ZNF142: variants seen among roughly 807,000 people sequenced by gnomAD.
ZNF142 encodes zinc finger protein 142.
Under a neutral mutation model 132.1 loss-of-function variants are expected in ZNF142, and 96 were observed. The ratio of observed to expected loss-of-function variants is 0.73; its 90% CI spans 0.62 to 0.86. The LOEUF is 0.86. ZNF142 is among the 40% of genes least tolerant of loss of function. The probability of loss-of-function intolerance (pLI) is 0.00; values close to 1 mark genes in which losing one functional copy is unlikely to be tolerated. For synonymous variants in ZNF142, 842 were observed against 890.1 expected, an observed-to-expected ratio of 0.95 and a Z score of 0.96; for missense variants, 2,163 against 2,336.2, an observed-to-expected ratio of 0.93 and a Z score of 1.53.
chr2:218,653,461 C>T (rs560542301), intron 4 of ZNF142, among the ~76,000 whole-genome samples: 50 of 152,034 alleles, frequency 3.3e-4, no homozygotes, highest in African/African-American at 1.2e-3. Context: ...CCTGTAATCC[C>T]AGTTACTCAG....
Position 218,638,359 on chromosome 2 carries a change from G to C in ZNF142, c.5644C>G (p.His1882Asp), listed in dbSNP as rs776199147. Residue 1882 changes from histidine (H) to aspartate (D), a missense_variant, in exon 11 of 11, where the codon CAC becomes GAC. Physicochemically the swap from His to Asp is moderately conservative, Grantham distance 81. Around this residue, in one of 7 missense-constraint regions of ZNF142, gnomAD observed 325 missense variants for 367.8 expected, o/e 0.88. Coordinates refer to ENST00000411696, the MANE Select transcript of ZNF142 (RefSeq NM_001379659.1). ...DPSPPAPAAP[H>D]TGPEG ...GGCTTTCAGCCCTCAGGTCCAGTGT[G>C]GGGAGCGGCAGGAGCAGGAGGGCTG... The C allele has an allele frequency of 6.6e-7, 1 of 1,522,872 alleles. No individual in the cohort carries two copies. Among genetic ancestry groups the C allele is most frequent in the Non-Finnish European group, 8.8e-7 (1 of 1,134,610 alleles). 94.3% of individuals were successfully genotyped at this position (1,522,872 alleles called of 1,614,324 possible).
chr2:218,651,272 G>A (rs1937964159), intron 5 of ZNF142, among the ~76,000 whole-genome samples: 1 of 152,186 alleles, frequency 6.6e-6, no homozygotes, highest in Admixed American at 6.5e-5. Flanking sequence ...ATGTGCCACA[G>A]TGCCCAGCCC....
At position 218,637,816 on chromosome 2, in the gene ZNF142, A is replaced by G. The variant is rs1696845868; in HGVS notation, c.*523T>C. ...AATACTGAGTGAAGATGGAAGGGACAAAAGGGAGGCAGAGGTCTGAGAGGG... is the reference window on the plus strand; with the variant it reads ...AATACTGAGTGAAGATGGAAGGGACGAAAGGGAGGCAGAGGTCTGAGAGGG... On this transcript the variant is annotated 3_prime_UTR_variant, in exon 11 of 11. Coordinates refer to ENST00000411696, the MANE Select transcript of ZNF142 (RefSeq NM_001379659.1). 1 of 152,476 alleles carries G rather than the reference A, an allele frequency of 6.6e-6. No homozygotes were observed. 9.4% of individuals were successfully genotyped at this position (152,476 alleles called of 1,614,324 possible). A position where few individuals can be genotyped will look rare whatever the true frequency, so the allele number is the denominator to read the frequency against.
chr2:218,638,262 C>T lies in ZNF142; in HGVS notation c.*77G>A, dbSNP rs1406405559. 3 of 1,356,186 alleles carry T rather than the reference C, an allele frequency of 2.2e-6. No individual in the cohort carries two copies. The highest frequency in any genetic ancestry group is 2.9e-6 in the Non-Finnish European group (3 of 1,039,026). The allele number at this position is 1,356,186 out of a possible 1,614,324, so 84.0% of individuals were successfully genotyped here. On this transcript the variant is annotated 3_prime_UTR_variant, in exon 11 of 11. Transcript: ENST00000411696. ...AGCCAGTCTTTCCTTAGGCTCTGAG[C>T]TCCTCAGGCTAGCGCTGGTCCCAGT... is the stretch of plus-strand genomic sequence containing the variant.
rs1185649880 is a variant in ZNF142 at position 218,659,391 on chromosome 2, A to AGCCGCATCTCTATGGTCGGCC, written c.-405_-385dup. On this transcript the variant is annotated 5_prime_UTR_variant, in exon 1 of 11. It adds an upstream start codon to the 5' untranslated region. Transcript: ENST00000411696. This position sits in a 1 kb window ranked among gnomAD's most constrained non-coding sequence, Gnocchi z 4.4. ...CACCTCCAGACCCAGAGCCGGCGGG[A>AGCCGCATCTCTATGGTCGGCC]GCCGCATCTCTATGGTCGGCCGCGG... is the stretch of plus-strand genomic sequence containing the variant. The AGCCGCATCTCTATGGTCGGCC allele has an allele frequency of 2.0e-5, 3 of 151,934 alleles. No individual in the cohort carries two copies. The highest frequency in any genetic ancestry group is 2.0e-4 in the Admixed American group (3 of 15,268). The allele number at this position is 151,934 out of a possible 1,614,324, so 9.4% of individuals were successfully genotyped here.
At chr2:218,655,478 T>G (rs1938396108) in intron 4 of ZNF142, among the ~76,000 whole-genome samples, 2 of 152,168 alleles carry the variant, frequency 1.3e-5, no homozygotes, top group South Asian at 4.1e-4. Context: ...CTTTTTTGTT[T>G]TGTTTTGTTT....
chr2:218,645,681 CCA>C (rs1399352331), intron 8 of ZNF142, among the ~76,000 whole-genome samples: 1 of 152,172 alleles, frequency 6.6e-6, no homozygotes, highest in Non-Finnish European at 1.5e-5. Flanking sequence ...TGTGACTGAG[CCA>C]CAGTCACAGA....
chr2:218,648,706 T>G lies in ZNF142; in HGVS notation c.1802A>C (p.His601Pro). 1 of 1,614,206 alleles carries G rather than the reference T, an allele frequency of 6.2e-7. No individual in the cohort carries two copies. The highest frequency in any genetic ancestry group is 8.5e-7 in the Non-Finnish European group (1 of 1,180,026). Residue 601 changes from histidine (H) to proline (P), a missense_variant, in exon 7 of 11, where the codon CAC (histidine) becomes CCC (proline). Around this residue, in one of 7 missense-constraint regions of ZNF142, gnomAD observed 749 missense variants for 830.3 expected, o/e 0.90. Transcript: ENST00000411696. ...GGCAAAGTTGCACTCAGGACACTGG[T>G]GGATCTTTTCATGAGCATGCATCTT... ...VGKMHAHEKI[H>P]QCPECNFATA...
chr2:218,651,097 C>A (rs975083833), intron 5 of ZNF142, among the ~76,000 whole-genome samples: 2 of 151,982 alleles, frequency 1.3e-5, no homozygotes, highest in South Asian at 2.1e-4. Flanking sequence ...AGTGATCCCC[C>A]ACCTCAACCT....
chr2:218,645,149 G>A, intron 8 of ZNF142, 85 bp from the exon 9 acceptor site: 2 of 1,508,850 alleles, frequency 1.3e-6, no homozygotes, highest in Admixed American at 1.8e-5. Flanking sequence ...CTGTGGGCCA[G>A]GCTCTGCACT....
Position 218,658,762 on chromosome 2 carries a change from C to G in ZNF142, c.-96G>C, listed in dbSNP as rs1377910660. 1 of 152,130 alleles carries G rather than the reference C, an allele frequency of 6.6e-6. No homozygotes were observed. The highest frequency in any genetic ancestry group is 2.4e-5 in the African/African-American group (1 of 41,406). 9.4% of individuals were successfully genotyped at this position (152,130 alleles called of 1,614,324 possible). A position where few individuals can be genotyped will look rare whatever the true frequency, so the allele number is the denominator to read the frequency against. ...GACCATACATGGCCTCCGGGGGGAG[C>G]CAAGGAGGACGCTGAGCCGTCAAGA... On this transcript the variant is annotated 5_prime_UTR_variant, in exon 3 of 11. Coordinates refer to ENST00000411696, the MANE Select transcript of ZNF142 (RefSeq NM_001379659.1).
Position 218,643,171 on chromosome 2 carries a change from CT to C in ZNF142, c.3944del (p.Gln1315ArgfsTer5). The C allele has an allele frequency of 6.2e-7, 1 of 1,614,260 alleles. No individual in the cohort carries two copies. The highest frequency in any genetic ancestry group is 8.5e-7 in the Non-Finnish European group (1 of 1,180,048). On this transcript the variant is annotated frameshift_variant, in exon 9 of 11. Transcript: ENST00000411696. LOFTEE classifies it high-confidence loss of function. ...SCPTCPFSCQ[Q>X]ERALRTHQIR... ...TCTGGTGAGTCCTCAGAGCCCGTTC[CT>C]GCTGGCAGCTAAAGGGACATGTAGG...
In ZNF142 at chr2:218,646,221, C is replaced by T. The variant is rs368768848; in HGVS notation, c.2001G>A (p.Lys667=). 19 of 1,614,070 alleles carry T rather than the reference C, an allele frequency of 1.2e-5. No homozygotes were observed. The African/African-American group carries it at 2.0e-4, about 17-fold the overall frequency. ...YMCTECGYVT[K]WKHYLRVHMR... ...TGTGCACACGGAGGTAGTGCTTCCACTTGGTGACATAGCCACATTCAGTGC... is the reference window on the plus strand; with the variant it reads ...TGTGCACACGGAGGTAGTGCTTCCATTTGGTGACATAGCCACATTCAGTGC... The change falls in exon 8 of 11, where the codon AAG becomes AAA. Residue 667 remains lysine, a synonymous_variant. Coordinates refer to ENST00000411696, the MANE Select transcript of ZNF142 (RefSeq NM_001379659.1).
rs1279352647 is a variant in ZNF142 at position 218,644,891 on chromosome 2, G to A, written c.2225C>T (p.Pro742Leu). ...ASQHHPGTPA[P>L]LYPCHYCSYQ... is the part of the protein sequence containing the mutation. The stretch of plus-strand genomic sequence containing the variant: ...ACTGCAGTAGTGGCAAGGGTAGAGT[G>A]GGGCCGGTGTGCCAGGGTGGTGCTG... Residue 742 changes from proline (P) to leucine (L), a missense_variant, in exon 9 of 11, where the codon CCA becomes CTA. Pro to Leu is a moderately conservative substitution (Grantham distance 98). This residue lies in a region of ZNF142 where 749 missense variants were observed against 830.3 expected (regional missense o/e 0.90). Transcript: ENST00000411696. This position sits in a 1 kb window ranked among gnomAD's most constrained non-coding sequence, Gnocchi z 4.6. 2 of 1,614,088 alleles carry A rather than the reference G, an allele frequency of 1.2e-6. No homozygotes were observed. Among genetic ancestry groups the A allele is most frequent in the South Asian group, 2.2e-5 (2 of 91,084 alleles).
chr2:218,646,140 A>T (rs748015209), intron 8 of ZNF142, 31 bp downstream of exon 8: 1 of 1,599,290 alleles, frequency 6.3e-7, no homozygotes, highest in South Asian at 1.1e-5. Context: ...GATTCTTGGG[A>T]TTGGGACGGA....
In ZNF142 at chr2:218,652,281, C is replaced by T. The variant is rs1442960219; in HGVS notation, c.300G>A (p.Val100=). The change falls in exon 5 of 11, where the codon GTG becomes GTA. Residue 100 remains valine, a synonymous_variant. Coordinates refer to ENST00000411696, the MANE Select transcript of ZNF142 (RefSeq NM_001379659.1). Reference sequence around the variant, plus strand: ...CACAGCGCTCACAGAAGTACACCTCCACCACCTTTACCAGGACACCTGCAG... The same window carrying T: ...CACAGCGCTCACAGAAGTACACCTCTACCACCTTTACCAGGACACCTGCAG... ...GETPGVLVKV[V]EVYFCERCEQ... is the part of the protein sequence containing the mutation. 1 of 457,088 alleles carries T rather than the reference C, an allele frequency of 2.2e-6. No homozygotes were observed. The highest frequency in any genetic ancestry group is 4.4e-6 in the Non-Finnish European group (1 of 227,044). 28.3% of individuals were successfully genotyped at this position (457,088 alleles called of 1,614,324 possible). A position where few individuals can be genotyped will look rare whatever the true frequency, so the allele number is the denominator to read the frequency against.
rs1431762705 is a variant in ZNF142 at position 218,644,507 on chromosome 2, C to T, written c.2609G>A (p.Gly870Asp). ...SEEVNTGRQE[G>D]SEAPHGGDLG... The stretch of plus-strand genomic sequence containing the variant: ...GTCACCCCCATGGGGAGCCTCACTG[C>T]CCTCCTGTCTTCCAGTGTTGACCTC... The change falls in exon 9 of 11, where the codon GGC (glycine) becomes GAC (aspartate). Residue 870 changes from glycine (G) to aspartate (D), a missense_variant. This residue lies in a region of ZNF142 where 749 missense variants were observed against 830.3 expected (regional missense o/e 0.90). Transcript: ENST00000411696. This position sits in a 1 kb window ranked among gnomAD's most constrained non-coding sequence, Gnocchi z 4.6. The T allele has an allele frequency of 2.5e-6, 4 of 1,614,010 alleles. No homozygotes were observed. In the South Asian group the frequency reaches 4.4e-5, roughly 18 times the overall value.
Position 218,640,656 on chromosome 2 carries a change from A to G in ZNF142, c.5194+8T>C, listed in dbSNP as rs1453440088. 3 of 1,613,872 alleles carry G rather than the reference A, an allele frequency of 1.9e-6. No homozygotes were observed. In the South Asian group the frequency reaches 3.3e-5, roughly 18 times the overall value. On this transcript the variant is annotated splice_region_variant and intron_variant, in intron 10 of 10. Transcript: ENST00000411696. ...CCCTTCAGGCCTGTCGAAACCACAC[A>G]GACTCACCTGTATGCTTGGTCATGT...
Position 218,642,419 on chromosome 2 carries a change from C to A in ZNF142, c.4697G>T (p.Arg1566Leu). The change falls in exon 9 of 11, where the codon CGA (arginine) becomes CTA (leucine). Residue 1566 changes from arginine (R) to leucine (L), a missense_variant. This residue lies in a region of ZNF142 where 809 missense variants were observed against 801.7 expected (regional missense o/e 1.01). Coordinates refer to ENST00000411696, the MANE Select transcript of ZNF142 (RefSeq NM_001379659.1). This position sits in a 1 kb window ranked among gnomAD's most constrained non-coding sequence, Gnocchi z 4.6. ...CGACQEAFPS[R>L]LALDEHRRQQ... ...CCTCCGGTGCTCATCCAGAGCCAGT[C>A]GGCTAGGGAAGGCCTCCTGGCAGGC... 3 of 1,612,974 alleles carry A rather than the reference C, an allele frequency of 1.9e-6. No individual in the cohort carries two copies. The highest frequency in any genetic ancestry group is 2.5e-6 in the Non-Finnish European group (3 of 1,179,972).
Sources: gnomAD v4.1 joint callset for allele counts (sites outside exome capture counted in the v4.1 genomes callset) on GRCh38, gnomAD v4.1.1 for gene constraint, gnomAD v4.1.1 regional missense constraint, Gnocchi (gnomAD v3.1) non-coding constraint, MANE v1.5 for transcripts, NCBI Gene and HGNC (gene_info 2026-07-23, HGNC 2026-07-21) for gene names.